CNTRL: variants seen among roughly 807,000 people sequenced by gnomAD.
CNTRL encodes the protein 110 kDa centrosomal protein.
CNTRL carries 233 observed loss-of-function variants against 303.7 expected under a neutral mutation model. That is an observed-to-expected ratio of 0.77 (90% CI 0.69 to 0.86). CNTRL has a LOEUF of 0.86. CNTRL is among the 40% of genes least tolerant of loss of function. The pLI, the probability that CNTRL is intolerant of heterozygous loss-of-function variation, is 0.00. For missense variants in CNTRL, 2,524 were observed against 2,650.6 expected, an observed-to-expected ratio of 0.95 and a Z score of 1.05; for synonymous variants, 900 against 922.2, an observed-to-expected ratio of 0.98 and a Z score of 0.44.
intron 42 of CNTRL, 57 bp downstream of exon 42, chr9:121,173,794 G>T: frequency 6.7e-7 from 1 of 1,496,838 alleles, no homozygotes; most frequent in Non-Finnish European, 9.3e-7. Context: ...ATTGGGGAGG[G>T]GAGGGGAAAG....
intron 12 of CNTRL, among the ~76,000 whole-genome samples, chr9:121,121,517 A>T (rs2050221811): frequency 6.6e-6 from 1 of 152,260 alleles, no homozygotes; most frequent in Admixed American, 6.5e-5. Context: ...TATTTTAGTT[A>T]TAAAATTATT....
chr9:121,167,750 A>T, intron 37 of CNTRL, 73 bp downstream of exon 37: 1 of 1,351,490 alleles, frequency 7.4e-7, no homozygotes, highest in South Asian at 1.3e-5. Context: ...CCCCTGGCAG[A>T]AAGCTGCTGA....
Position 121,125,941 on chromosome 9 carries a change from G to T in CNTRL, c.2025+5G>T. On this transcript the variant is annotated splice_donor_5th_base_variant and intron_variant, in intron 14 of 43. Coordinates refer to ENST00000373855, the MANE Select transcript of CNTRL (RefSeq NM_007018.6). Reference sequence around the variant, plus strand: ...GATGCAGAAAATATGAGGAAGGTATGATTTTTTTCCTGCCTATTTTCCGTA... The same window carrying T: ...GATGCAGAAAATATGAGGAAGGTATTATTTTTTTCCTGCCTATTTTCCGTA... 1 of 1,612,032 alleles carries T rather than the reference G, an allele frequency of 6.2e-7. No individual in the cohort carries two copies.
intron 43 of CNTRL, among the ~76,000 whole-genome samples, chr9:121,176,860 G>GC (rs2053546558): frequency 6.6e-6 from 1 of 152,152 alleles, no homozygotes; most frequent in Non-Finnish European, 1.5e-5. Context: ...AGCAAGTTCT[G>GC]CAAGGTCCAT....
Position 121,150,336 on chromosome 9 carries a change from T to C in CNTRL, c.3816T>C (p.Asn1272=). 6.2e-7 allele frequency: 1 copy of C among 1,614,172 alleles called. No individual in the cohort carries two copies. ...CACCACCTCCTCCCTTGCCAAACAA[T>C]AGCCGACCTCTCACCCCTGGCACTG... ...LYAPPPPLPN[N]SRPLTPGTVV... is the part of the protein sequence containing the mutation. Residue 1272 remains asparagine (N), a synonymous_variant, in exon 25 of 44, where the codon AAT becomes AAC. Transcript: ENST00000373855.
rs940979432 is a variant in CNTRL, at chr9:121,113,505, G to A, written c.1126G>A (p.Ala376Thr). 1.9e-6 allele frequency: 3 copies of A among 1,560,396 alleles called. No homozygotes were observed. The African/African-American group carries it at 4.1e-5, about 22-fold the overall frequency. The change falls in exon 10 of 44, where the codon GCT (alanine) becomes ACT (threonine). Residue 376 changes from alanine (A) to threonine (T), a missense_variant. Physicochemically the swap from Ala to Thr is moderately conservative, Grantham distance 58. Transcript: ENST00000373855. Reference sequence around the variant, plus strand: ...AAATCTATTATTTTGCTTTTAGTATGCTGAAATTGATAAAGCCCCAGATGA... The same window carrying A: ...AAATCTATTATTTTGCTTTTAGTATACTGAAATTGATAAAGCCCCAGATGA... The part of the protein sequence containing the change: ...EPLNYYPSEY[A>T]EIDKAPDESP...
rs774411230 is a variant in CNTRL, at chr9:121,096,493, T to G, written c.551T>G (p.Ile184Ser). 1 of 1,572,206 alleles carries G rather than the reference T, an allele frequency of 6.4e-7. No individual in the cohort carries two copies. Among genetic ancestry groups the G allele is most frequent in the East Asian group, 2.3e-5 (1 of 44,236 alleles). The change falls in exon 6 of 44, where the codon ATT (isoleucine) becomes AGT (serine). Residue 184 changes from isoleucine to serine, a missense_variant. By Grantham distance (142) the Ile-to-Ser change is moderately radical. Transcript: ENST00000373855. ...LNLAGNEIEH[I>S]PVWLGKKLKS... ...CTTGCAGGAAATGAAATTGAGCATA[T>G]TCCAGTATGGTTAGGGAAGAAGTTA...
chr9:121,152,779 G>A, intron 26 of CNTRL, 86 bp downstream of exon 26: 1 of 1,066,650 alleles, frequency 9.4e-7, no homozygotes, highest in Non-Finnish European at 1.4e-6. Flanking sequence ...ATCTTGGAAT[G>A]TTCTTGATCT....
intron 4 of CNTRL, among the ~76,000 whole-genome samples, chr9:121,090,835 A>G (rs1041874730): frequency 2.4e-4 from 37 of 152,224 alleles, no homozygotes; most frequent in African/African-American, 8.9e-4. Flanking sequence ...TGCTGCTGAT[A>G]AAGACATACC....
In CNTRL at chr9:121,107,980, C is replaced by T. The variant is rs765545921; in HGVS notation, c.987C>T (p.Asn329=). The change falls in exon 8 of 44, where the codon AAC becomes AAT. Residue 329 remains asparagine, a synonymous_variant. Transcript: ENST00000373855. ...QSCEELKSDL[N]TKNELLKQKT... ...GTGAGGAACTCAAGAGTGACTTAAACACAAAAAATGAATTGGTAAGTTCAT... is the reference window on the plus strand; with the variant it reads ...GTGAGGAACTCAAGAGTGACTTAAATACAAAAAATGAATTGGTAAGTTCAT... 1.4e-5 allele frequency: 22 copies of T among 1,575,174 alleles called. No individual in the cohort carries two copies. The highest frequency in any genetic ancestry group is 2.0e-5 in the Admixed American group (1 of 48,846).
At chr9:121,143,704 T>C (rs1200719561) in intron 19 of CNTRL, among the ~76,000 whole-genome samples, 199 bp from the exon 20 acceptor site, 1 of 152,242 alleles carries the variant, frequency 6.6e-6, no homozygotes, top group Non-Finnish European at 1.5e-5. Context: ...ACTAAGATTC[T>C]TGACTAAGAA....
At chr9:121,111,947 A>T (rs1016722631) in intron 8 of CNTRL, among the ~76,000 whole-genome samples, 4 of 152,136 alleles carry the variant, frequency 2.6e-5, no homozygotes, top group Admixed American at 6.6e-5. Flanking sequence ...TGAACACTTA[A>T]TACTACAGCA....
chr9:121,152,454 A>G (rs1178409101), intron 25 of CNTRL, 31 bp from the exon 26 acceptor site: 4 of 1,550,892 alleles, frequency 2.6e-6, no homozygotes, highest in African/African-American at 1.4e-5. Context: ...GTGATGTTTC[A>G]GCACTGCATT....
At chr9:121,091,240 A>G (rs943132665) in intron 4 of CNTRL, among the ~76,000 whole-genome samples, 1 of 152,246 alleles carries the variant, frequency 6.6e-6, no homozygotes, top group Non-Finnish European at 1.5e-5. Context: ...TGAACACATT[A>G]TAATAGACAA....
chr9:121,149,044 C>T (rs1363688290), intron 24 of CNTRL, among the ~76,000 whole-genome samples, 183 bp downstream of exon 24: 1 of 152,226 alleles, frequency 6.6e-6, no homozygotes, highest in Non-Finnish European at 1.5e-5. Context: ...TGTCCTTCCT[C>T]CTTCCCTTCC....
Position 121,150,483 on chromosome 9 carries a change from A to G in CNTRL, c.3963A>G (p.Leu1321=), listed in dbSNP as rs1331993007. The change falls in exon 25 of 44, where the codon TTA becomes TTG. Residue 1321 remains leucine (L), a splice_region_variant and synonymous_variant. Coordinates refer to ENST00000373855, the MANE Select transcript of CNTRL (RefSeq NM_007018.6). ...GCAACGTCCCTGAACACCATAACTT[A>G]GTAAGTGGAAAGACATACAACTCTC... ...LHCNVPEHHN[L]ENEVSRLEDI... is the part of the protein sequence containing the mutation. 3.1e-6 allele frequency: 5 copies of G among 1,613,706 alleles called. No homozygotes were observed. The highest frequency in any genetic ancestry group is 4.2e-6 in the Non-Finnish European group (5 of 1,179,704).
intron 35 of CNTRL, among the ~76,000 whole-genome samples, chr9:121,165,326 A>G (rs1372434123): frequency 2.0e-5 from 3 of 152,186 alleles, no homozygotes; most frequent in Non-Finnish European, 1.5e-5. Context: ...GTTAAAAAAA[A>G]AAACCTAATT....
Position 121,148,787 on chromosome 9 carries a change from A to G in CNTRL, c.3575A>G (p.Gln1192Arg), listed in dbSNP as rs139524615. ...CAGCAGGATGGGAAGGAAGGCAGTC[A>G]ACCTCCCCCTGCCTCAGGATACTGG... Reference protein sequence around the residue: ...PGQQDGKEGSQPPPASGYWVY... With the variant: ...PGQQDGKEGSRPPPASGYWVY... Residue 1192 changes from glutamine (Q) to arginine (R), a missense_variant, in exon 24 of 44, where the codon CAA (glutamine) becomes CGA (arginine). Physicochemically the swap from Gln to Arg is conservative, Grantham distance 43. Coordinates refer to ENST00000373855, the MANE Select transcript of CNTRL (RefSeq NM_007018.6). 10 of 1,613,962 alleles carry G rather than the reference A, an allele frequency of 6.2e-6. No individual in the cohort carries two copies. In the African/African-American group the frequency reaches 1.3e-4, roughly 22 times the overall value.
chr9:121,166,322 T>A (rs1381163578), intron 36 of CNTRL, 142 bp downstream of exon 36: 3 of 581,404 alleles, frequency 5.2e-6, no homozygotes, highest in Non-Finnish European at 9.1e-6. Flanking sequence ...AACCATCACA[T>A]AAATAAAAGT....
Sources: gnomAD v4.1 joint callset for allele counts (sites outside exome capture counted in the v4.1 genomes callset) on GRCh38, gnomAD v4.1.1 for gene constraint, MANE v1.5 for transcripts, NCBI Gene and HGNC (gene_info 2026-07-23, HGNC 2026-07-21) for gene names.